The following SEMA3A variants were observed in gnomAD, a reference collection of about 807,000 sequenced individuals.
The protein encoded by SEMA3A is semaphorin 3A, also known as semaphorin-3A.
SEMA3A carries 29 observed loss-of-function variants against 97.9 expected under a neutral mutation model. The ratio of observed to expected loss-of-function variants is 0.30; its 90% CI spans 0.22 to 0.40. The LOEUF is 0.40. SEMA3A is among the 10% of genes least tolerant of loss of function. The pLI, the probability that SEMA3A is intolerant of heterozygous loss-of-function variation, is 1.00. For synonymous variants in SEMA3A, 321 were observed against 323.7 expected, an observed-to-expected ratio of 0.99 and a Z score of 0.09; for missense variants, 763 against 951.3, an observed-to-expected ratio of 0.80 and a Z score of 2.60.
chr7:83,999,666 G>C (rs558611516), intron 12 of SEMA3A, among the ~76,000 whole-genome samples: 1 of 152,182 alleles, frequency 6.6e-6, no homozygotes, highest in South Asian at 2.1e-4. Flanking sequence ...TTTATTTACA[G>C]TGGAAATTAG....
In SEMA3A at chr7:84,010,922, C is replaced by T. The variant is rs1019071215; in HGVS notation, c.995+100G>A. On this transcript the variant is annotated intron_variant, in intron 9 of 16. Coordinates refer to ENST00000265362, the MANE Select transcript of SEMA3A (RefSeq NM_006080.3). ...GTACACAACAGCTCAAAGGTTAAAG[C>T]AACACTTGCCTTTCAAAAATATACT... The T allele has an allele frequency of 7.6e-6, 6 of 789,444 alleles. No homozygotes were observed. The African/African-American group carries it at 8.7e-5, about 11-fold the overall frequency. The allele number at this position is 789,444 out of a possible 1,614,324, so 48.9% of individuals were successfully genotyped here. A position where few individuals can be genotyped will look rare whatever the true frequency, so the allele number is the denominator to read the frequency against.
rs1221739907 is a variant in SEMA3A at position 83,959,242 on chromosome 7, T to C, written c.*2129A>G. On this transcript the variant is annotated 3_prime_UTR_variant, in exon 17 of 17. Transcript: ENST00000265362. ...ATCCTTTATTTCTGAGGATGAATAA[T>C]AAGATATTTCTGCTATCGCAAATAA... The C allele has an allele frequency of 1.3e-5, 2 of 151,934 alleles. No individual in the cohort carries two copies. The highest frequency in any genetic ancestry group is 4.8e-5 in the African/African-American group (2 of 41,456). 9.4% of individuals were successfully genotyped at this position (151,934 alleles called of 1,614,324 possible).
At chr7:84,367,907 A>C (rs2116089953) in intron 2 of SEMA3A, among the ~76,000 whole-genome samples, 1 of 151,412 alleles carries the variant, frequency 6.6e-6, no homozygotes, top group African/African-American at 2.4e-5. Context: ...AAGAAATCTT[A>C]GCTTTATAAA....
chr7:84,342,549 A>C (rs762845484), intron 2 of SEMA3A, among the ~76,000 whole-genome samples: 1 of 152,238 alleles, frequency 6.6e-6, no homozygotes, highest in Non-Finnish European at 1.5e-5. Context: ...TAAGATATCT[A>C]CAAATGCAGG....
Position 84,001,967 on chromosome 7 carries a change from C to G in SEMA3A, c.1440G>C (p.Met480Ile). 1 of 1,611,374 alleles carries G rather than the reference C, an allele frequency of 6.2e-7. No individual in the cohort carries two copies. The highest frequency in any genetic ancestry group is 8.5e-7 in the Non-Finnish European group (1 of 1,178,144). ...AAGCAGCACTCACCCGAAAAACTGT[C>G]ATTTCTTCCAGCAGAACCTCTTCTA... ...YDLEEVLLEE[M>I]TVFREPTAIS... The change falls in exon 12 of 17, where the codon ATG becomes ATC. Residue 480 changes from methionine to isoleucine, a missense_variant. Met to Ile is a conservative substitution (Grantham distance 10). Around this residue, in one of 2 missense-constraint regions of SEMA3A, gnomAD observed 678 missense variants for 881.3 expected, o/e 0.77. Transcript: ENST00000265362.
At chr7:84,358,671 A>C (rs897825111) in intron 2 of SEMA3A, among the ~76,000 whole-genome samples, 28 of 152,220 alleles carry the variant, frequency 1.8e-4, no homozygotes, top group Non-Finnish European at 2.9e-4. Context: ...CAATTCTCTG[A>C]AGGAAGTCAT....
chr7:84,354,337 A>T (rs1299118125), intron 2 of SEMA3A, among the ~76,000 whole-genome samples: 2 of 151,690 alleles, frequency 1.3e-5, no homozygotes, highest in Non-Finnish European at 3.0e-5. Flanking sequence ...TAATAAAAAA[A>T]GTCTTATTTT....
intron 6 of SEMA3A, among the ~76,000 whole-genome samples, chr7:84,045,486 A>T: frequency 6.6e-6 from 1 of 151,830 alleles, no homozygotes; most frequent in East Asian, 1.9e-4. Flanking sequence ...GACCTTTATA[A>T]AAATTTTTGG....
chr7:84,203,095 GT>G (rs1461637710), intron 3 of SEMA3A, among the ~76,000 whole-genome samples: 1 of 152,072 alleles, frequency 6.6e-6, no homozygotes, highest in East Asian at 1.9e-4. Flanking sequence ...TCTGCCTACA[GT>G]TTGCATTAGG....
intron 1 of SEMA3A, among the ~76,000 whole-genome samples, chr7:84,386,868 C>T (rs1462288063): frequency 2.0e-5 from 3 of 151,956 alleles, no homozygotes; most frequent in African/African-American, 4.8e-5. Flanking sequence ...GGCACAGTGG[C>T]ATTTGCCTGT....
At chr7:84,007,533 T>C in intron 9 of SEMA3A, 36 bp from the exon 10 acceptor site, 1 of 1,457,056 alleles carries the variant, frequency 6.9e-7, no homozygotes, top group Non-Finnish European at 9.2e-7. Context: ...CAGAAGTTCA[T>C]CTTTATACAA....
At chr7:84,198,956 A>C (rs1034404823), upstream of SEMA3A, among the ~76,000 whole-genome samples, 1 of 152,172 alleles carries the variant, frequency 6.6e-6, no homozygotes, top group African/African-American at 2.4e-5. Flanking sequence ...GTATTTACAC[A>C]TTGGCTATGT....
At chr7:84,081,579 C>A (rs1211626684) in intron 4 of SEMA3A, among the ~76,000 whole-genome samples, 2 of 133,004 alleles carry the variant, frequency 1.5e-5, no homozygotes, top group East Asian at 4.5e-4. Flanking sequence ...GGCGACAGAG[C>A]GAGACTCCGT....
chr7:84,348,506 A>G (rs1462444161), intron 2 of SEMA3A, among the ~76,000 whole-genome samples: 1 of 152,192 alleles, frequency 6.6e-6, no homozygotes, highest in Non-Finnish European at 1.5e-5. Flanking sequence ...TTAAAACATA[A>G]GAAGGAATAT....
intron 4 of SEMA3A, among the ~76,000 whole-genome samples, chr7:84,073,561 G>A (rs1793824089): frequency 6.6e-6 from 1 of 152,130 alleles, no homozygotes; most frequent in Non-Finnish European, 1.5e-5. Flanking sequence ...TTCAGAAGGT[G>A]CCAGTGACAC....
Position 84,281,725 on chromosome 7 carries a change from A to G in SEMA3A, c.-83+25482T>C, listed in dbSNP as rs968442896. 4.7e-4 allele frequency among the ~76,000 whole-genome samples: 71 copies of G among 152,164 alleles called. 2 individuals carry two copies. The highest frequency in any genetic ancestry group is 4.7e-4 in the Non-Finnish European group (32 of 68,020). ...TCAAATTCCATCTCTGTTGCTCATT[A>G]ACTGTGCAATCTTGAGTGTTTTACT... On this transcript the variant is annotated intron_variant, in intron 3 of 3. Transcript: ENST00000424555.
chr7:84,047,473 T>A (rs1284330973), intron 5 of SEMA3A, among the ~76,000 whole-genome samples: 1 of 152,022 alleles, frequency 6.6e-6, no homozygotes. Context: ...AGGTTCAAAC[T>A]CAGGTCTGTT....
At chr7:84,095,960 C>T (rs768543544) in intron 4 of SEMA3A, among the ~76,000 whole-genome samples, 2 of 151,920 alleles carry the variant, frequency 1.3e-5, no homozygotes, top group African/African-American at 2.4e-5. Context: ...AACATTTCCC[C>T]TGAAATTACA....
chr7:84,458,274 T>A (rs1359801413), intron 1 of SEMA3A, among the ~76,000 whole-genome samples: 1 of 152,020 alleles, frequency 6.6e-6, no homozygotes, highest in Non-Finnish European at 1.5e-5. Flanking sequence ...AAAGAATACA[T>A]CTTATCTGTT....
Sources: allele counts gnomAD v4.1 joint callset (sites outside exome capture counted in the v4.1 genomes callset), GRCh38; gene constraint gnomAD v4.1.1; regional missense constraint gnomAD v4.1.1; transcripts MANE v1.5; gene names NCBI Gene and HGNC (gene_info 2026-07-23, HGNC 2026-07-21).